Variants in CDH18 observed in about 807,000 individuals in gnomAD.
CDH18 encodes cadherin-18.
A neutral mutation model predicts 67.9 loss-of-function variants in CDH18; 31 were observed. The ratio of observed to expected loss-of-function variants is 0.46; its 90% confidence interval spans 0.34 to 0.62. The LOEUF (loss-of-function observed/expected upper bound fraction) is 0.62, where lower values mean the gene tolerates loss of function less well. CDH18 is among the 20% of genes least tolerant of loss of function. The pLI is 0.01. For missense variants in CDH18, 890 were observed against 975.5 expected, an observed-to-expected ratio of 0.91 and a Z score of 1.17; for synonymous variants, 362 against 347.2, an observed-to-expected ratio of 1.04 and a Z score of -0.48.
At chr5:19,970,394 T>A (rs1034103538) in intron 2 of CDH18, among the ~76,000 whole-genome samples, 9 of 151,646 alleles carry the variant, frequency 5.9e-5, no homozygotes, top group African/African-American at 1.5e-4. Flanking sequence ...AATTTAGCAA[T>A]AAGAGAGGAT....
At chr5:19,942,248 C>T (rs1178288057) in intron 2 of CDH18, among the ~76,000 whole-genome samples, 2 of 152,058 alleles carry the variant, frequency 1.3e-5, no homozygotes, top group Non-Finnish European at 2.9e-5. Flanking sequence ...GGTCATATTC[C>T]CTGCACTAAG....
intron 1 of CDH18, among the ~76,000 whole-genome samples, chr5:20,294,756 A>C (rs577974877): frequency 1.4e-4 from 21 of 152,290 alleles, no homozygotes; most frequent in African/African-American, 4.8e-4. Flanking sequence ...TGGTTTACAA[A>C]ATTAAAAAAT....
At chr5:20,187,770 A>G (rs970854029) in intron 2 of CDH18, among the ~76,000 whole-genome samples, 8 of 151,870 alleles carry the variant, frequency 5.3e-5, no homozygotes, top group African/African-American at 1.7e-4. Context: ...AATTTTAATC[A>G]TTATCAGTTT....
chr5:20,075,109 G>A (rs1205740491), intron 2 of CDH18, among the ~76,000 whole-genome samples: 2 of 152,130 alleles, frequency 1.3e-5, no homozygotes, highest in Admixed American at 1.3e-4. Context: ...TCTGGATTGT[G>A]ACTTCGGATG....
intron 1 of CDH18, among the ~76,000 whole-genome samples, chr5:20,297,312 A>G (rs1747619031): frequency 6.6e-6 from 1 of 152,246 alleles, no homozygotes; most frequent in Non-Finnish European, 1.5e-5. Context: ...TCACTTAAGA[A>G]AAGGAAATTG....
At position 20,407,330 on chromosome 5, in the gene CDH18, C is replaced by T. The variant is rs114366202; in HGVS notation, c.-579-151825G>A. On this transcript the variant is annotated intron_variant, in intron 1 of 14. Transcript: ENST00000507958. The stretch of plus-strand genomic sequence containing the variant: ...AAGAGACTTGGCATACTCTAGACAC[C>T]TAGGGGCCACTAAGAAAAAAGACAG... Among the ~76,000 whole-genome samples the T allele has an allele frequency of 3.0e-3, 452 of 152,076 alleles. 2 individuals are homozygous for T. Among genetic ancestry groups the T allele is most frequent in the Admixed American group, 4.9e-3 (74 of 15,256 alleles).
At chr5:19,998,104 T>A (rs1170733699) in intron 2 of CDH18, among the ~76,000 whole-genome samples, 2 of 152,148 alleles carry the variant, frequency 1.3e-5, no homozygotes, top group Non-Finnish European at 2.9e-5. Flanking sequence ...TAAACCAGGA[T>A]AATGAAATGG....
intron 5 of CDH18, among the ~76,000 whole-genome samples, chr5:19,658,897 C>T (rs1005452617): frequency 3.9e-5 from 6 of 151,946 alleles, no homozygotes; most frequent in African/African-American, 1.4e-4. Context: ...TTGGAACCAA[C>T]CCAAATGTCC....
chr5:20,466,839 C>T (rs561989674), intron 1 of CDH18, among the ~76,000 whole-genome samples: 1 of 152,084 alleles, frequency 6.6e-6, no homozygotes, highest in East Asian at 1.9e-4. Context: ...ATCATTCTAG[C>T]AAACTTAAGA....
At chr5:19,957,620 A>G (rs1796379892) in intron 2 of CDH18, among the ~76,000 whole-genome samples, 1 of 151,972 alleles carries the variant, frequency 6.6e-6, no homozygotes, top group Admixed American at 6.6e-5. Context: ...GTACACTTAG[A>G]AATAAATTAC....
rs1797481106 is a variant in CDH18, at chr5:19,966,781, G to T, written c.-257+14279C>A. On this transcript the variant is annotated intron_variant, in intron 2 of 12. Transcript: ENST00000382275. ...AATAAATAATGAAGAAATAGATAAA[G>T]AATTTCACTTCATTAACATAGTGAT... Among the ~76,000 whole-genome samples, 3 of 151,818 alleles carry T rather than the reference G, an allele frequency of 2.0e-5. 1 individual carries two copies. Among genetic ancestry groups the T allele is most frequent in the Admixed American group, 2.0e-4 (3 of 15,222 alleles).
chr5:20,546,746 C>T (rs966216366), intron 1 of CDH18, among the ~76,000 whole-genome samples: 7 of 107,192 alleles, frequency 6.5e-5, no homozygotes, highest in African/African-American at 2.3e-4. Context: ...CACATACATA[C>T]ATAGACACAC....
At chr5:19,910,530 T>C (rs866282179) in intron 2 of CDH18, among the ~76,000 whole-genome samples, 1 of 152,190 alleles carries the variant, frequency 6.6e-6, no homozygotes, top group Non-Finnish European at 1.5e-5. Flanking sequence ...TGGTCAGAGA[T>C]ATTTCTAGGC....
At chr5:19,598,562 C>T (rs188714909) in intron 6 of CDH18, among the ~76,000 whole-genome samples, 3 of 152,096 alleles carry the variant, frequency 2.0e-5, no homozygotes, top group East Asian at 1.9e-4. Context: ...TAACACTCCC[C>T]ATTTGCTGAT....
chr5:19,484,168 T>C (rs1386940935), intron 11 of CDH18, among the ~76,000 whole-genome samples: 1 of 152,208 alleles, frequency 6.6e-6, no homozygotes, highest in African/African-American at 2.4e-5. Context: ...TTAAATGCAA[T>C]GTACTATAAT....
At chr5:20,000,759 G>T (rs1010935007) in intron 2 of CDH18, among the ~76,000 whole-genome samples, 5 of 151,958 alleles carry the variant, frequency 3.3e-5, no homozygotes, top group African/African-American at 1.2e-4. Flanking sequence ...GAACTAGCAA[G>T]ATGATGAGAG....
At chr5:20,411,097 G>T (rs140431376) in intron 1 of CDH18, among the ~76,000 whole-genome samples, 1 of 151,652 alleles carries the variant, frequency 6.6e-6, no homozygotes, top group African/African-American at 2.4e-5. Context: ...ATAAAATATA[G>T]AAACAATTCT....
intron 1 of CDH18, among the ~76,000 whole-genome samples, chr5:20,382,064 T>C (rs1743953517): frequency 6.6e-6 from 1 of 152,210 alleles, no homozygotes; most frequent in Non-Finnish European, 1.5e-5. Context: ...GTAGTATTTA[T>C]GTTCACTAGT....
intron 2 of CDH18, among the ~76,000 whole-genome samples, chr5:19,932,675 G>A (rs1793831020): frequency 6.6e-6 from 1 of 151,504 alleles, no homozygotes; most frequent in South Asian, 2.1e-4. Flanking sequence ...ATCTGTCCCT[G>A]ACCCAATAGT....
Sources: gnomAD v4.1 joint callset for allele counts (sites outside exome capture counted in the v4.1 genomes callset) on GRCh38, gnomAD v4.1.1 for gene constraint, MANE v1.5 for transcripts, NCBI Gene and HGNC (gene_info 2026-07-23, HGNC 2026-07-21) for gene names.